NKAIN3: variants seen among roughly 807,000 people sequenced by gnomAD.
The protein encoded by NKAIN3 is sodium/potassium-transporting ATPase subunit beta-1-interacting protein 3.
In NKAIN3, 25 loss-of-function variants were observed where a neutral mutation model predicts 30.2. The observed-to-expected ratio is 0.83, with a 90% CI of 0.60 to 1.16. The LOEUF (loss-of-function observed/expected upper bound fraction) is 1.16, where lower values mean the gene tolerates loss of function less well. NKAIN3 is among the 50% of genes most tolerant of loss of function. The pLI is 0.00. For missense variants in NKAIN3, 225 were observed against 254.1 expected (o/e 0.89, Z 0.78); for synonymous variants, 91 against 89.6 (o/e 1.02, Z -0.09).
intron 1 of NKAIN3, among the ~76,000 whole-genome samples, chr8:62,338,835 G>A (rs542516996): frequency 3.4e-4 from 52 of 152,040 alleles, no homozygotes; most frequent in African/African-American, 1.2e-3. Context: ...AGCCAGGCTG[G>A]TAGCTGACTA....
At chr8:62,707,420 T>C (rs1586111909) in intron 3 of NKAIN3, among the ~76,000 whole-genome samples, 1 of 152,264 alleles carries the variant, frequency 6.6e-6, no homozygotes, top group Admixed American at 6.5e-5. Flanking sequence ...TTATGGCCAT[T>C]CTTGCAGGAG....
chr8:62,930,412 C>A (rs993868936), intron 5 of NKAIN3, among the ~76,000 whole-genome samples: 3 of 151,954 alleles, frequency 2.0e-5, no homozygotes, highest in Non-Finnish European at 2.9e-5. Context: ...TGACACCATG[C>A]CCGGCTAATT....
chr8:62,499,964 A>C (rs755941092), intron 1 of NKAIN3, among the ~76,000 whole-genome samples: 1 of 151,986 alleles, frequency 6.6e-6, no homozygotes, highest in African/African-American at 2.4e-5. Context: ...ACTTATAATG[A>C]AATAACTGAT....
At chr8:62,277,952 G>A (rs996957596) in intron 1 of NKAIN3, among the ~76,000 whole-genome samples, 2 of 151,860 alleles carry the variant, frequency 1.3e-5, no homozygotes, top group African/African-American at 4.8e-5. Flanking sequence ...CCAGTGTAGA[G>A]CAAGAACCTG....
intron 1 of NKAIN3, among the ~76,000 whole-genome samples, chr8:62,471,968 CAACA>C (rs1214097043): frequency 3.4e-5 from 5 of 149,082 alleles, no homozygotes; most frequent in African/African-American, 7.4e-5. Context: ...TATCTCAAAC[CAACA>C]AACAAACAAA....
chr8:62,772,213 C>T (rs1021732196), intron 4 of NKAIN3, among the ~76,000 whole-genome samples: 9 of 152,156 alleles, frequency 5.9e-5, no homozygotes, highest in Non-Finnish European at 1.3e-4. Context: ...ATTTCAGGTT[C>T]CATCTATGTT....
At chr8:62,758,685 G>A (rs139436205) in intron 4 of NKAIN3, among the ~76,000 whole-genome samples, 1 of 152,130 alleles carries the variant, frequency 6.6e-6, no homozygotes, top group East Asian at 1.9e-4. Flanking sequence ...GTTCAGATGT[G>A]GACACATGAT....
intron 4 of NKAIN3, among the ~76,000 whole-genome samples, chr8:62,791,817 G>A (rs144530915): frequency 4.9e-4 from 75 of 152,038 alleles, no homozygotes; most frequent in African/African-American, 1.8e-3. Flanking sequence ...CTTACCAAAG[G>A]ACCCAGAAGT....
At chr8:62,303,170 T>C (rs1015829362) in intron 1 of NKAIN3, among the ~76,000 whole-genome samples, 1 of 150,560 alleles carries the variant, frequency 6.6e-6, no homozygotes, top group African/African-American at 2.5e-5. Context: ...ACAGTTGTGC[T>C]CTTTGGTCAC....
chr8:62,666,020 C>A (rs1813087611), intron 3 of NKAIN3, among the ~76,000 whole-genome samples: 1 of 151,956 alleles, frequency 6.6e-6, no homozygotes, highest in South Asian at 2.1e-4. Context: ...TCAAGATTAG[C>A]CTGGCCAAGA....
chr8:62,729,039 A>AAAAAAAAAACAAAC (rs200466973), intron 3 of NKAIN3, among the ~76,000 whole-genome samples: 3 of 96,948 alleles, frequency 3.1e-5, no homozygotes, highest in African/African-American at 1.2e-4. Flanking sequence ...AAAAAAAAAA[A>AAAAAAAAAACAAAC]CAAAAAAAAA....
intron 2 of NKAIN3, among the ~76,000 whole-genome samples, chr8:62,581,449 T>A (rs1810289973): frequency 6.6e-6 from 1 of 152,208 alleles, no homozygotes; most frequent in Non-Finnish European, 1.5e-5. Flanking sequence ...CAGTGACATT[T>A]AGTCCTGGTG....
At chr8:62,863,403 C>A in intron 4 of NKAIN3, 3 of 1,544,882 alleles carry the variant, frequency 1.9e-6, no homozygotes, top group Non-Finnish European at 1.8e-6. Context: ...AGATGTTTTG[C>A]GGCTTTATGT....
intron 4 of NKAIN3, among the ~76,000 whole-genome samples, chr8:62,780,654 T>C (rs554734391): frequency 5.3e-5 from 8 of 152,312 alleles, no homozygotes; most frequent in African/African-American, 1.7e-4. Context: ...GTAATTGTGA[T>C]ATATCACATA....
chr8:62,528,555 TTC>T (rs574822318), intron 1 of NKAIN3, among the ~76,000 whole-genome samples: 399 of 151,870 alleles, frequency 2.6e-3, no homozygotes, highest in African/African-American at 8.3e-3. Flanking sequence ...CTCCACCTTC[TTC>T]TCTCTCTAAG....
chr8:62,297,325 A>T (rs531172088), intron 1 of NKAIN3, among the ~76,000 whole-genome samples: 3 of 152,288 alleles, frequency 2.0e-5, no homozygotes, highest in Admixed American at 6.5e-5. Context: ...GACAAATGGG[A>T]TCTAATTAAA....
intron 3 of NKAIN3, among the ~76,000 whole-genome samples, chr8:62,711,224 CT>C: frequency 6.6e-6 from 1 of 152,230 alleles, no homozygotes; most frequent in South Asian, 2.1e-4. Flanking sequence ...AGGCAAAGAT[CT>C]TTTTGCAATG....
chr8:62,711,831 C>T (rs1413853009), intron 3 of NKAIN3, among the ~76,000 whole-genome samples: 1 of 152,026 alleles, frequency 6.6e-6, no homozygotes, highest in Admixed American at 6.6e-5. Flanking sequence ...TTCATATTAC[C>T]AGGGTTGGTT....
At chr8:62,552,076 A>G (rs567109429) in intron 1 of NKAIN3, among the ~76,000 whole-genome samples, 133 of 152,324 alleles carry the variant, frequency 8.7e-4, no homozygotes, top group African/African-American at 3.0e-3. Context: ...CATCTTCTGT[A>G]TATTGCGGTG....
Sources: allele counts gnomAD v4.1 joint callset (sites outside exome capture counted in the v4.1 genomes callset), GRCh38; gene constraint gnomAD v4.1.1; transcripts MANE v1.5; gene names NCBI Gene and HGNC (gene_info 2026-07-23, HGNC 2026-07-21).